The following NR1H4 variants were observed in gnomAD, a reference collection of about 807,000 sequenced individuals.
NR1H4 encodes bile acid receptor.
In NR1H4, 23 loss-of-function variants were observed where a neutral mutation model predicts 58.5. The observed-to-expected ratio is 0.39, with a 90% confidence interval of 0.28 to 0.56. The LOEUF is 0.56. Among genes scored for constraint, NR1H4 ranks in the 20% least tolerant of loss-of-function variants. The probability of loss-of-function intolerance (pLI) is 0.58; values close to 1 mark genes in which losing one functional copy is unlikely to be tolerated. For synonymous variants in NR1H4, 214 were observed against 198.0 expected (o/e 1.08, Z -0.68); for missense variants, 487 against 576.9 (o/e 0.84, Z 1.60).
chr12:100,534,748 C>T (rs991885291), intron 5 of NR1H4, 142 bp from the exon 6 acceptor site: 7 of 931,402 alleles, frequency 7.5e-6, no homozygotes, highest in Admixed American at 6.1e-5. Context: ...CCTTCCCTTT[C>T]TAAAATGCAT....
intron 3 of NR1H4, among the ~76,000 whole-genome samples, chr12:100,502,253 T>G (rs1200402418): frequency 6.6e-6 from 1 of 152,228 alleles, no homozygotes; most frequent in Non-Finnish European, 1.5e-5. Context: ...CAAGACAGCC[T>G]GGATGTATTA....
At chr12:100,552,845 CA>C (rs1374210371) in intron 9 of NR1H4, among the ~76,000 whole-genome samples, 1 of 152,006 alleles carries the variant, frequency 6.6e-6, no homozygotes, top group Non-Finnish European at 1.5e-5. Flanking sequence ...CTTGAGCCCC[CA>C]GGAGGCCAAG....
chr12:100,544,833 TAG>T (rs1194874585), intron 9 of NR1H4, among the ~76,000 whole-genome samples: 1 of 152,188 alleles, frequency 6.6e-6, no homozygotes, highest in Admixed American at 6.5e-5. Context: ...AACATTCTTC[TAG>T]ACATTGCCTG....
chr12:100,489,953 A>G (rs890112103), intron 1 of NR1H4, among the ~76,000 whole-genome samples: 2 of 152,174 alleles, frequency 1.3e-5, no homozygotes, highest in African/African-American at 4.8e-5. Flanking sequence ...GGGCATTCAC[A>G]TGGTAGGTCT....
chr12:100,510,658 T>C, intron 3 of NR1H4, 120 bp from the exon 4 acceptor site: 1 of 739,678 alleles, frequency 1.4e-6, no homozygotes, highest in Non-Finnish European at 2.3e-6. Context: ...TGTAAACTTT[T>C]ATGTAGTTAA....
At chr12:100,485,661 TA>T (rs1165645672) in intron 1 of NR1H4, among the ~76,000 whole-genome samples, 1 of 151,994 alleles carries the variant, frequency 6.6e-6, no homozygotes, top group Non-Finnish European at 1.5e-5. Flanking sequence ...GCCTCCCGAG[TA>T]GCTGGGATTA....
chr12:100,494,269 A>G (rs1440145176), intron 3 of NR1H4, among the ~76,000 whole-genome samples: 1 of 152,140 alleles, frequency 6.6e-6, no homozygotes, highest in African/African-American at 2.4e-5. Flanking sequence ...TTGTTCTGTT[A>G]CCTATTAGTC....
intron 3 of NR1H4, among the ~76,000 whole-genome samples, chr12:100,495,418 C>A (rs1444873519): frequency 6.6e-6 from 1 of 152,140 alleles, no homozygotes; most frequent in Non-Finnish European, 1.5e-5. Flanking sequence ...CCCCTAGGCC[C>A]TCAGTCTCAC....
chr12:100,493,540 C>G, intron 3 of NR1H4, 138 bp downstream of exon 3: 1 of 644,526 alleles, frequency 1.6e-6, no homozygotes, highest in African/African-American at 1.8e-5. Flanking sequence ...TCAATGTTAG[C>G]TACTCTGCAA....
chr12:100,528,109 C>T (rs1954607106), intron 4 of NR1H4, among the ~76,000 whole-genome samples: 1 of 152,196 alleles, frequency 6.6e-6, no homozygotes, highest in Non-Finnish European at 1.5e-5. Context: ...TAAAGTTTTA[C>T]AACATCAACC....
At chr12:100,547,759 G>T (rs866505732) in intron 9 of NR1H4, among the ~76,000 whole-genome samples, 2 of 151,304 alleles carry the variant, frequency 1.3e-5, no homozygotes, top group East Asian at 2.0e-4. Context: ...TCACTCTGTC[G>T]CCCAGGCTGG....
chr12:100,548,833 C>T (rs1345056063), intron 9 of NR1H4, among the ~76,000 whole-genome samples: 1 of 152,006 alleles, frequency 6.6e-6, no homozygotes, highest in Non-Finnish European at 1.5e-5. Context: ...GCTGCTGTAA[C>T]AGAGACAAAA....
At chr12:100,543,577 G>T (rs1305443636) in intron 9 of NR1H4, among the ~76,000 whole-genome samples, 3 of 152,036 alleles carry the variant, frequency 2.0e-5, no homozygotes, top group Non-Finnish European at 2.9e-5. Context: ...GTGTGTGTGT[G>T]TGTGTGTGTG....
intron 3 of NR1H4, among the ~76,000 whole-genome samples, 193 bp from the exon 4 acceptor site, chr12:100,510,585 A>G (rs1954080408): frequency 7.0e-6 from 1 of 142,454 alleles, no homozygotes. Context: ...ATTTTTCTGA[A>G]TTTTTAATTT....
In NR1H4 at chr12:100,534,960, C is replaced by A. The variant is rs768563784; in HGVS notation, c.669C>A (p.Thr223=). ...ATGTGAAGCAGCATGCAGATCAGAC[C>A]GTGAATGAAGACAGTGAAGGTCGTG... is the stretch of plus-strand genomic sequence containing the variant. ...RKNVKQHADQ[T]VNEDSEGRDL... is the part of the protein sequence containing the mutation. The change falls in exon 6 of 11, where the codon ACC becomes ACA. Residue 223 remains threonine (T), a synonymous_variant. Transcript: ENST00000392986. 1.1e-5 allele frequency: 17 copies of A among 1,613,992 alleles called. No individual in the cohort carries two copies. In the Admixed American group the frequency reaches 2.7e-4, roughly 25 times the overall value.
At chr12:100,518,871 A>G (rs1593084832) in intron 4 of NR1H4, among the ~76,000 whole-genome samples, 1 of 150,480 alleles carries the variant, frequency 6.6e-6, no homozygotes. Flanking sequence ...GCCCACAGCA[A>G]CCTCCACCTG....
intron 4 of NR1H4, among the ~76,000 whole-genome samples, chr12:100,513,461 G>A (rs1398285456): frequency 6.6e-6 from 1 of 152,054 alleles, no homozygotes; most frequent in Non-Finnish European, 1.5e-5. Flanking sequence ...ATTTTAAAAT[G>A]GTGTGGAATA....
At chr12:100,483,239 G>A (rs1284574638) in intron 1 of NR1H4, among the ~76,000 whole-genome samples, 1 of 151,906 alleles carries the variant, frequency 6.6e-6, no homozygotes, top group African/African-American at 2.4e-5. Flanking sequence ...CATAGTTCTT[G>A]ACAAACAAGT....
intron 9 of NR1H4, among the ~76,000 whole-genome samples, chr12:100,554,444 A>C (rs1186237568): frequency 6.6e-6 from 1 of 151,456 alleles, no homozygotes; most frequent in Non-Finnish European, 1.5e-5. Flanking sequence ...TTTTGTTCCC[A>C]ATTACGACTA....
Sources: allele counts gnomAD v4.1 joint callset (sites outside exome capture counted in the v4.1 genomes callset), GRCh38; gene constraint gnomAD v4.1.1; transcripts MANE v1.5; gene names NCBI Gene and HGNC (gene_info 2026-07-23, HGNC 2026-07-21).